Variants in PHACTR1 observed in about 807,000 individuals in gnomAD.
PHACTR1 encodes RPEL repeat containing 1.
In PHACTR1, 16 loss-of-function variants were observed where a neutral mutation model predicts 69.2. The ratio of observed to expected loss-of-function variants is 0.23; its 90% CI spans 0.16 to 0.35. The LOEUF is 0.35. PHACTR1 is among the 10% of genes least tolerant of loss of function. PHACTR1 has a pLI of 1.00. For synonymous variants in PHACTR1, 312 were observed against 284.5 expected, an observed-to-expected ratio of 1.10 and a Z score of -0.97; for missense variants, 510 against 734.7, an observed-to-expected ratio of 0.69 and a Z score of 3.54.
intron 4 of PHACTR1, among the ~76,000 whole-genome samples, chr6:12,984,700 T>A (rs143433413): frequency 3.9e-5 from 6 of 152,360 alleles, no homozygotes; most frequent in Admixed American, 3.9e-4. Flanking sequence ...TAAAACTAGT[T>A]TTAAAATAAT....
At chr6:12,923,125 T>C (rs1424072988) in intron 4 of PHACTR1, among the ~76,000 whole-genome samples, 1 of 152,180 alleles carries the variant, frequency 6.6e-6, no homozygotes, top group African/African-American at 2.4e-5. Context: ...CAGCTAGGAA[T>C]AGTTACAGAG....
Position 12,817,948 on chromosome 6 carries a change from C to T in PHACTR1, c.250+68158C>T, listed in dbSNP as rs545400626. Among the ~76,000 whole-genome samples, 10 of 152,076 alleles carry T rather than the reference C, an allele frequency of 6.6e-5. No individual in the cohort carries two copies. The East Asian group carries it at 1.2e-3, about 18-fold the overall frequency. On this transcript the variant is annotated intron_variant, in intron 4 of 14. Transcript: ENST00000332995. The stretch of plus-strand genomic sequence containing the variant: ...ACACCATTCTCCTGCCTCAGCCTCC[C>T]GAGTAGCTGGGACTACAGGCGCCTG...
At chr6:12,932,470 T>TA (rs1463705446) in intron 4 of PHACTR1, among the ~76,000 whole-genome samples, 2 of 152,300 alleles carry the variant, frequency 1.3e-5, no homozygotes, top group Admixed American at 6.5e-5. Context: ...ATAGGCCTTT[T>TA]AAAAAAATAA....
chr6:12,898,694 G>T (rs758405762), intron 4 of PHACTR1, among the ~76,000 whole-genome samples: 1 of 152,062 alleles, frequency 6.6e-6, no homozygotes, highest in African/African-American at 2.4e-5. Context: ...ATCCAGTCTC[G>T]TGCTGCAGGC....
At chr6:13,003,980 C>CATAT (rs70989822) in intron 4 of PHACTR1, among the ~76,000 whole-genome samples, 1 of 105,912 alleles carries the variant, frequency 9.4e-6, no homozygotes, top group African/African-American at 4.8e-5. Context: ...TATATATATA[C>CATAT]ACATATATAT....
chr6:13,162,352 C>T (rs181289191), intron 6 of PHACTR1, among the ~76,000 whole-genome samples: 211 of 151,996 alleles, frequency 1.4e-3, no homozygotes, highest in African/African-American at 4.2e-3. Context: ...GTCTCAAACT[C>T]CTGACCTCAG....
Position 12,816,044 on chromosome 6 carries a change from A to G in PHACTR1, c.250+66254A>G, listed in dbSNP as rs1775546686. Reference sequence around the variant, plus strand: ...TACACCTCTTCACCCCTGCAGGTGGATCATATTGGAGAAGCAAACAACAGT... The same window carrying G: ...TACACCTCTTCACCCCTGCAGGTGGGTCATATTGGAGAAGCAAACAACAGT... On this transcript the variant is annotated intron_variant, in intron 4 of 14. Coordinates refer to ENST00000332995, the MANE Select transcript of PHACTR1 (RefSeq NM_030948.6). Among the ~76,000 whole-genome samples the G allele has an allele frequency of 2.0e-5, 3 of 152,334 alleles. No homozygotes were observed. In the South Asian group the frequency reaches 6.2e-4, roughly 32 times the overall value.
intron 4 of PHACTR1, among the ~76,000 whole-genome samples, chr6:12,916,764 C>T (rs868395846): frequency 6.6e-6 from 1 of 152,236 alleles, no homozygotes. Context: ...AATGCTAGAT[C>T]TTCCAATATG....
At chr6:13,240,569 C>G (rs368461176) in intron 10 of PHACTR1, among the ~76,000 whole-genome samples, 12 of 152,138 alleles carry the variant, frequency 7.9e-5, no homozygotes, top group African/African-American at 2.9e-4. Flanking sequence ...GCCTCAGCCT[C>G]CCAAGTAGCT....
In PHACTR1 at chr6:12,959,192, A is replaced by AAAAAAG. The variant is rs1253124532; in HGVS notation, c.251-94170_251-94169insAAGAAA. Among the ~76,000 whole-genome samples, 177 of 106,628 alleles carry AAAAAAG rather than the reference A, an allele frequency of 1.7e-3. 1 individual carries two copies. The highest frequency in any genetic ancestry group is 9.6e-3 in the African/African-American group (165 of 17,254). 70.0% of individuals were successfully genotyped at this position (106,628 alleles called of 152,430 possible). A position where few individuals can be genotyped will look rare whatever the true frequency, so the allele number is the denominator to read the frequency against. On this transcript the variant is annotated intron_variant, in intron 4 of 14. Transcript: ENST00000332995. The stretch of plus-strand genomic sequence containing the variant: ...ACTTTATCTCAAAAAAAAAAAAAAA[A>AAAAAAG]AAAGAAAAGAAAAAAAAAAGAAAAG...
intron 6 of PHACTR1, among the ~76,000 whole-genome samples, chr6:13,177,172 T>TAAAAAAAAAAAAAAAAAAAAAAAAAAAA (rs530741132): frequency 4.7e-5 from 3 of 63,366 alleles, no homozygotes; most frequent in East Asian, 6.3e-4. Flanking sequence ...ACCCCATCTC[T>TAAAAAAAAAAAAAAAAAAAAAAAAAAAA]AAAAAAAAAA....
chr6:12,812,501 C>G (rs1026193757), intron 4 of PHACTR1, among the ~76,000 whole-genome samples: 10 of 152,178 alleles, frequency 6.6e-5, no homozygotes, highest in Admixed American at 6.5e-4. Flanking sequence ...AGCGAAGTGT[C>G]TAGCCTAAGT....
At chr6:12,959,176 C>CAAAAAAAAAAAA (rs70989814) in intron 4 of PHACTR1, among the ~76,000 whole-genome samples, 15 of 46,190 alleles carry the variant, frequency 3.2e-4, no homozygotes, top group African/African-American at 8.4e-4. Flanking sequence ...GACTTTATCT[C>CAAAAAAAAAAAA]AAAAAAAAAA....
intron 4 of PHACTR1, among the ~76,000 whole-genome samples, chr6:12,782,117 C>T (rs1770907193): frequency 6.6e-6 from 1 of 152,164 alleles, no homozygotes; most frequent in Non-Finnish European, 1.5e-5. Context: ...ATGTTTTCAA[C>T]AAAGAACATT....
intron 5 of PHACTR1, among the ~76,000 whole-genome samples, chr6:13,067,539 A>G (rs1407536183): frequency 6.6e-6 from 1 of 152,232 alleles, no homozygotes; most frequent in African/African-American, 2.4e-5. Flanking sequence ...AAGTCTTTAA[A>G]GAGGAAAGTC....
intron 4 of PHACTR1, among the ~76,000 whole-genome samples, chr6:12,770,677 C>T (rs574985052): frequency 1.5e-3 from 229 of 152,234 alleles, no homozygotes; most frequent in South Asian, 7.7e-3. Flanking sequence ...CCGAACTGGC[C>T]GTGGCAAGAC....
rs185253392 is a variant in PHACTR1 at position 12,787,141 on chromosome 6, C to T, written c.250+37351C>T. On this transcript the variant is annotated intron_variant, in intron 4 of 14. Transcript: ENST00000332995. ...ATTGAAGGGAGTTTAGAGAGCACCC[C>T]GTCCTTAAACAGCTGGTGAAATTAG... 1.2e-4 allele frequency among the ~76,000 whole-genome samples: 19 copies of T among 152,314 alleles called. No homozygotes were observed. In the East Asian group the frequency reaches 2.3e-3, roughly 19 times the overall value.
intron 4 of PHACTR1, among the ~76,000 whole-genome samples, chr6:12,778,438 T>C (rs1770368679): frequency 6.6e-6 from 1 of 152,236 alleles, no homozygotes. Flanking sequence ...GGGGTGATAG[T>C]TTTCTGGAAG....
At chr6:12,810,183 C>G (rs997122737) in intron 4 of PHACTR1, among the ~76,000 whole-genome samples, 2 of 152,252 alleles carry the variant, frequency 1.3e-5, no homozygotes, top group African/African-American at 4.8e-5. Flanking sequence ...TTATTTTTCT[C>G]TTCATATAAT....
Sources: allele counts gnomAD v4.1 joint callset (sites outside exome capture counted in the v4.1 genomes callset), GRCh38; gene constraint gnomAD v4.1.1; transcripts MANE v1.5; gene names NCBI Gene and HGNC (gene_info 2026-07-23, HGNC 2026-07-21).